C6: variants seen among roughly 807,000 people sequenced by gnomAD.
C6 encodes complement C6.
C6 carries 101 observed loss-of-function variants against 112.9 expected under a neutral mutation model. That is an observed-to-expected ratio of 0.89 (90% CI 0.76 to 1.06). The LOEUF is 1.06. Among genes scored for constraint, C6 ranks in the 50% least tolerant of loss-of-function variants. The pLI, the probability that C6 is intolerant of heterozygous loss-of-function variation, is 0.00. For synonymous variants in C6, 431 were observed against 384.1 expected, an observed-to-expected ratio of 1.12 and a Z score of -1.43; for missense variants, 1,202 against 1,104.6, an observed-to-expected ratio of 1.09 and a Z score of -1.25.
intron 1 of C6, among the ~76,000 whole-genome samples, chr5:41,257,548 C>T (rs1741796038): frequency 6.6e-6 from 1 of 152,104 alleles, no homozygotes; most frequent in Non-Finnish European, 1.5e-5. Flanking sequence ...AATAGGACTG[C>T]TGGGTTGAAT....
At chr5:41,252,697 G>A (rs1333466231) in intron 1 of C6, among the ~76,000 whole-genome samples, 4 of 152,262 alleles carry the variant, frequency 2.6e-5, no homozygotes, top group Middle Eastern at 3.4e-3. Flanking sequence ...TTAAGAGTTT[G>A]ATACCTTTTA....
chr5:41,147,457 TG>T (rs1745937606), intron 17 of C6, among the ~76,000 whole-genome samples: 1 of 152,184 alleles, frequency 6.6e-6, no homozygotes. Context: ...GTTTCAATCT[TG>T]TGGCCTGTCA....
At position 41,159,103 on chromosome 5, in the gene C6, G is replaced by T; in HGVS notation, c.1835C>A (p.Thr612Lys). The T allele has an allele frequency of 6.2e-7, 1 of 1,613,640 alleles. No individual in the cohort carries two copies. The highest frequency in any genetic ancestry group is 8.5e-7 in the Non-Finnish European group (1 of 1,179,700). Residue 612 changes from threonine to lysine, a missense_variant, in exon 12 of 18, where the codon ACA becomes AAA. Transcript: ENST00000337836. Reference protein sequence around the residue: ...EGEKRQEEDCTFSIMENNGQP... With the variant: ...EGEKRQEEDCKFSIMENNGQP... ...TTACTTGTTTTCCATGATTGAAAAT[G>T]TGCAGTCTTCCTCTTGTCGCTTCTC...
intron 1 of C6, among the ~76,000 whole-genome samples, chr5:41,254,817 G>C (rs1040979883): frequency 1.3e-5 from 2 of 152,230 alleles, no homozygotes; most frequent in Non-Finnish European, 2.9e-5. Flanking sequence ...GAAGCACACA[G>C]TGACTAGTCC....
At chr5:41,249,953 T>A (rs759814843) in intron 1 of C6, among the ~76,000 whole-genome samples, 6 of 152,230 alleles carry the variant, frequency 3.9e-5, no homozygotes, top group Non-Finnish European at 4.4e-5. Context: ...CAGCTTTTCA[T>A]AAATAATGTA....
intron 1 of C6, among the ~76,000 whole-genome samples, chr5:41,233,207 A>T (rs1007418219): frequency 2.0e-5 from 3 of 152,064 alleles, no homozygotes; most frequent in African/African-American, 7.2e-5. Context: ...CAGTTTTCTT[A>T]TCTGTAAAAT....
chr5:41,200,898 T>G (rs1389446525), intron 3 of C6, among the ~76,000 whole-genome samples: 67 of 140,496 alleles, frequency 4.8e-4, no homozygotes, highest in South Asian at 2.9e-3. Flanking sequence ...GTTGTTTTTT[T>G]TTTTTTTTTT....
At chr5:41,161,927 CA>C in intron 9 of C6, 68 bp from the exon 10 acceptor site, 1 of 1,496,772 alleles carries the variant, frequency 6.7e-7, no homozygotes, top group Non-Finnish European at 9.3e-7. Flanking sequence ...AACAAACAAA[CA>C]AAAACCTATT....
intron 9 of C6, among the ~76,000 whole-genome samples, chr5:41,167,453 G>T (rs1416988373): frequency 6.6e-6 from 1 of 152,128 alleles, no homozygotes; most frequent in Non-Finnish European, 1.5e-5. Context: ...TATTGGACAT[G>T]TGGTAACTAA....
chr5:41,152,875 A>G (rs936370509), intron 15 of C6: 4 of 152,234 alleles, frequency 2.6e-5, no homozygotes, highest in Non-Finnish European at 5.9e-5. Context: ...GAAATTGTCA[A>G]TGATCTTATG....
At chr5:41,224,364 CAAAA>C (rs1055065933) in intron 1 of C6, among the ~76,000 whole-genome samples, 10 of 152,110 alleles carry the variant, frequency 6.6e-5, no homozygotes, top group African/African-American at 2.2e-4. Flanking sequence ...TTTTATCACT[CAAAA>C]GAAACCCTGA....
chr5:41,149,600 C>A, intron 16 of C6, 118 bp from the exon 17 acceptor site: 1 of 1,281,442 alleles, frequency 7.8e-7, no homozygotes, highest in South Asian at 1.2e-5. Flanking sequence ...TTTCCCCACC[C>A]CACTCCAAGC....
chr5:41,177,498 T>A (rs1561131774), intron 7 of C6, among the ~76,000 whole-genome samples: 10 of 152,080 alleles, frequency 6.6e-5, no homozygotes, highest in Non-Finnish European at 1.5e-5. Flanking sequence ...TACATTGTTT[T>A]AAAAAAAATT....
At chr5:41,241,593 A>G (rs191498943) in intron 1 of C6, among the ~76,000 whole-genome samples, 12 of 152,300 alleles carry the variant, frequency 7.9e-5, no homozygotes, top group African/African-American at 2.9e-4. Flanking sequence ...GGAGGAAGTG[A>G]AAGGATATGG....
Position 41,213,489 on chromosome 5 carries a change from A to G in C6, c.-134T>C, listed in dbSNP as rs1008201382. 2 of 985,286 alleles carry G rather than the reference A, an allele frequency of 2.0e-6. No individual in the cohort carries two copies. The highest frequency in any genetic ancestry group is 1.7e-5 in the African/African-American group (1 of 57,362). The allele number at this position is 985,286 out of a possible 1,614,324, so 61.0% of individuals were successfully genotyped here. On this transcript the variant is annotated 5_prime_UTR_variant, in exon 1 of 18. Coordinates refer to ENST00000337836, the MANE Select transcript of C6 (RefSeq NM_000065.5). Reference sequence around the variant, plus strand: ...TAATCCAAACAAAGCTTCTTTTCTTATTGCTAGCTAACACAAGGCAATGCT... The same window carrying G: ...TAATCCAAACAAAGCTTCTTTTCTTGTTGCTAGCTAACACAAGGCAATGCT...
At chr5:41,205,293 A>G (rs1751345227) in intron 1 of C6, among the ~76,000 whole-genome samples, 2 of 152,212 alleles carry the variant, frequency 1.3e-5, no homozygotes, top group South Asian at 4.1e-4. Context: ...TCCAGTCTAC[A>G]GCTCCTAGTG....
chr5:41,211,530 C>T (rs990741399), intron 1 of C6, among the ~76,000 whole-genome samples: 15 of 151,866 alleles, frequency 9.9e-5, no homozygotes, highest in African/African-American at 3.1e-4. Context: ...GAATTTAAGT[C>T]GTGATCAGAC....
At chr5:41,188,376 A>G in intron 5 of C6, among the ~76,000 whole-genome samples, 1 of 152,158 alleles carries the variant, frequency 6.6e-6, no homozygotes. Context: ...ATTTACTTCA[A>G]AATTAGGGTC....
chr5:41,214,132 G>GA (rs963308597), upstream of C6, among the ~76,000 whole-genome samples: 4 of 151,800 alleles, frequency 2.6e-5, no homozygotes, highest in South Asian at 2.1e-4. Flanking sequence ...CAATAGAAAA[G>GA]AAAAAAAACT....
Sources: gnomAD v4.1 joint callset for allele counts (sites outside exome capture counted in the v4.1 genomes callset) on GRCh38, gnomAD v4.1.1 for gene constraint, MANE v1.5 for transcripts, NCBI Gene and HGNC (gene_info 2026-07-23, HGNC 2026-07-21) for gene names.